The following CD99 variants were observed in gnomAD, a reference collection of about 807,000 sequenced individuals.
The protein encoded by CD99 is CD99 antigen.
CD99 carries 19 observed loss-of-function variants against 28.4 expected under a neutral mutation model. The observed-to-expected ratio is 0.67, with a 90% CI of 0.47 to 0.98. The LOEUF (loss-of-function observed/expected upper bound fraction) is 0.98. Among genes scored for constraint, CD99 ranks in the 50% least tolerant of loss-of-function variants. CD99 has a pLI of 0.00. For missense variants in CD99, 283 were observed against 248.8 expected (o/e 1.14, Z -0.92); for synonymous variants, 103 against 92.1 (o/e 1.12, Z -0.67).
rs761107636 is a variant in CD99 at position 2,723,311 on chromosome X, C to G, written c.311-3C>G. The stretch of plus-strand genomic sequence containing the variant: ...CATTGCAGACGTTGTTTTTGTCTTG[C>G]AGGAAAAGGAGGCAGTGATGGTGGA... On this transcript the variant is annotated splice_region_variant and splice_polypyrimidine_tract_variant and intron_variant, in intron 6 of 9. Transcript: ENST00000381192. The G allele has an allele frequency of 1.9e-6, 3 of 1,613,862 alleles. No individual in the cohort carries two copies. Among genetic ancestry groups the G allele is most frequent in the Admixed American group, 1.7e-5 (1 of 59,998 alleles).
intron 1 of CD99, among the ~76,000 whole-genome samples, chrX:2,705,296 A>T (rs1486883464): frequency 6.6e-6 from 1 of 152,220 alleles, no homozygotes; most frequent in African/African-American, 2.4e-5. Flanking sequence ...AGTCACTGGC[A>T]CACATCCTGT....
intron 1 of CD99, among the ~76,000 whole-genome samples, chrX:2,702,780 CTTTTT>C (rs768557989): frequency 6.8e-6 from 1 of 147,756 alleles, no homozygotes; most frequent in Non-Finnish European, 1.5e-5. Context: ...AAAAATTGAA[CTTTTT>C]TTTTTTATTT....
At chrX:2,716,373 G>A (rs1189510899) in intron 2 of CD99, among the ~76,000 whole-genome samples, 1 of 151,844 alleles carries the variant, frequency 6.6e-6, no homozygotes, top group East Asian at 1.9e-4. Context: ...GTCTCGCTGT[G>A]TTGCTCAGGT....
At chrX:2,722,425 A>G (rs763778675) in intron 5 of CD99, among the ~76,000 whole-genome samples, 1 of 152,214 alleles carries the variant, frequency 6.6e-6, no homozygotes, top group Non-Finnish European at 1.5e-5. Context: ...GGTTCAAGTG[A>G]TTCTCCTGCC....
Position 2,727,396 on chromosome X carries a change from AC to A in CD99, c.475+1024del. The A allele has an allele frequency of 3.9e-6, 3 of 767,780 alleles. No individual in the cohort carries two copies. The African/African-American group carries it at 5.1e-5, about 13-fold the overall frequency. 47.6% of individuals were successfully genotyped at this position (767,780 alleles called of 1,614,324 possible). On this transcript the variant is annotated intron_variant, in intron 8 of 9. Transcript: ENST00000381192. ...AGCTAACGTGCATGCATCACTGGGC[AC>A]TTACATTTAGCTCTTGCCTTCCCTC...
intron 8 of CD99, among the ~76,000 whole-genome samples, chrX:2,737,291 T>C (rs150157458): frequency 0.045 from 6,421 of 142,348 alleles, 160 homozygotes; most frequent in Middle Eastern, 0.059. Flanking sequence ...GATTCTCCTG[T>C]CTCAGCCTCC....
At chrX:2,737,652 G>A (rs1399151147) in intron 8 of CD99, among the ~76,000 whole-genome samples, 1 of 151,342 alleles carries the variant, frequency 6.6e-6, no homozygotes, top group Non-Finnish European at 1.5e-5. Flanking sequence ...ACGCCACCAC[G>A]CCCAGTTAAC....
chrX:2,693,970 A>G (rs1255272695), intron 1 of CD99, among the ~76,000 whole-genome samples: 1 of 152,170 alleles, frequency 6.6e-6, no homozygotes, highest in Non-Finnish European at 1.5e-5. Context: ...AGCACAAAGA[A>G]TTCATCTGGT....
intron 8 of CD99, among the ~76,000 whole-genome samples, chrX:2,732,687 TTTC>T (rs901675008): frequency 1.2e-4 from 18 of 150,042 alleles, no homozygotes; most frequent in Admixed American, 2.7e-4. Flanking sequence ...TTCCTTCTCT[TTTC>T]TTCTTATGTA....
At chrX:2,727,739 A>C (rs926845475) in intron 8 of CD99, among the ~76,000 whole-genome samples, 2 of 152,068 alleles carry the variant, frequency 1.3e-5, no homozygotes, top group African/African-American at 2.4e-5. Flanking sequence ...GGCCTCCCAA[A>C]GTCTTGGGAT....
chrX:2,707,215 A>T (rs1441670953), intron 1 of CD99, among the ~76,000 whole-genome samples: 1 of 152,080 alleles, frequency 6.6e-6, no homozygotes, highest in Non-Finnish European at 1.5e-5. Flanking sequence ...CCATAGTCCC[A>T]GCTACTGGGG....
At chrX:2,709,677 T>G (rs1310101231) in intron 1 of CD99, among the ~76,000 whole-genome samples, 2 of 116,198 alleles carry the variant, frequency 1.7e-5, no homozygotes, top group Non-Finnish European at 4.0e-5. Flanking sequence ...CATGAGCACA[T>G]CCACACGCGC....
At chrX:2,719,440 A>ATCTGTC (rs1405067953) in intron 3 of CD99, 3 of 576,902 alleles carry the variant, frequency 5.2e-6, no homozygotes, top group African/African-American at 1.9e-5. Flanking sequence ...CTAGCTTTTT[A>ATCTGTC]TCTGTCTCTG....
At chrX:2,708,542 T>C (rs2048230411) in intron 1 of CD99, among the ~76,000 whole-genome samples, 1 of 152,178 alleles carries the variant, frequency 6.6e-6, no homozygotes, top group Non-Finnish European at 1.5e-5. Flanking sequence ...CTGGTGTCCT[T>C]GTCCTTCAGG....
chrX:2,726,170 A>C lies in CD99; in HGVS notation c.362-90A>C, dbSNP rs778423173. 1.6e-4 allele frequency: 119 copies of C among 758,584 alleles called. 1 individual carries two copies. The highest frequency in any genetic ancestry group is 2.5e-4 in the Non-Finnish European group (109 of 437,164). 47.0% of individuals were successfully genotyped at this position (758,584 alleles called of 1,614,324 possible). On this transcript the variant is annotated intron_variant, in intron 7 of 9. Coordinates refer to ENST00000381192, the MANE Select transcript of CD99 (RefSeq NM_002414.5). ...ATGTTCTGAGGATCTTGGTGCTCTC[A>C]GACTGACTGTCTCTGCCAGCCACTG...
rs986445487 is a variant in CD99, at chrX:2,718,432, A to G, written c.148+780A>G. Among the ~76,000 whole-genome samples the G allele has an allele frequency of 6.0e-5, 9 of 149,422 alleles. No individual in the cohort carries two copies. In the South Asian group the frequency reaches 6.3e-4, roughly 11 times the overall value. On this transcript the variant is annotated intron_variant, in intron 3 of 9. Transcript: ENST00000381192. Reference sequence around the variant, plus strand: ...CGCCCAGGCTGGAGTGCAGTGGCGCAATCTCGGCTCACTGCAAGCTCCGCT... The same window carrying G: ...CGCCCAGGCTGGAGTGCAGTGGCGCGATCTCGGCTCACTGCAAGCTCCGCT...
chrX:2,694,099 C>T (rs1300862094), intron 1 of CD99, among the ~76,000 whole-genome samples: 1 of 152,162 alleles, frequency 6.6e-6, no homozygotes. Flanking sequence ...AGTAGAGTCG[C>T]ACACATCCGA....
At chrX:2,718,315 C>T (rs1308746813) in intron 3 of CD99, among the ~76,000 whole-genome samples, 1 of 151,784 alleles carries the variant, frequency 6.6e-6, no homozygotes, top group Non-Finnish European at 1.5e-5. Flanking sequence ...GAACTCATCT[C>T]TCAACCTGTG....
intron 8 of CD99, among the ~76,000 whole-genome samples, chrX:2,727,609 T>C (rs2124183680): frequency 6.6e-6 from 1 of 152,238 alleles, no homozygotes; most frequent in South Asian, 2.1e-4. Context: ...CCTGAGTAGC[T>C]GGGATTATAG....
Sources: gnomAD v4.1 joint callset for allele counts (sites outside exome capture counted in the v4.1 genomes callset) on GRCh38, gnomAD v4.1.1 for gene constraint, MANE v1.5 for transcripts, NCBI Gene and HGNC (gene_info 2026-07-23, HGNC 2026-07-21) for gene names.